Variants in XPR1 observed in about 807,000 individuals in gnomAD.
XPR1 encodes xenotropic and polytropic retrovirus receptor 1, also known as solute carrier family 53 member 1.
XPR1 carries 28 observed loss-of-function variants against 87.5 expected under a neutral mutation model. The observed-to-expected ratio is 0.32, with a 90% CI of 0.24 to 0.44. XPR1 has a LOEUF of 0.44. Ranked by LOEUF, XPR1 falls within the 20% of genes least tolerant of loss-of-function variation. The pLI, the probability that XPR1 is intolerant of heterozygous loss-of-function variation, is 1.00. For synonymous variants in XPR1, 300 were observed against 306.1 expected (o/e 0.98, Z 0.21); for missense variants, 559 against 862.3 (o/e 0.65, Z 4.41).
chr1:180,781,166 GT>G (rs918888336), intron 2 of XPR1, among the ~76,000 whole-genome samples: 218 of 145,266 alleles, frequency 1.5e-3, no homozygotes, highest in African/African-American at 5.2e-3. Context: ...TTGGAGTGTT[GT>G]TTTTTTTTTA....
At chr1:180,652,517 A>T (rs1265592848) in intron 1 of XPR1, among the ~76,000 whole-genome samples, 1 of 152,220 alleles carries the variant, frequency 6.6e-6, no homozygotes, top group Non-Finnish European at 1.5e-5. Context: ...GAGTGTGTCC[A>T]TGTGACTTTC....
intron 2 of XPR1, among the ~76,000 whole-genome samples, chr1:180,724,094 A>G (rs367778737): frequency 1.3e-5 from 2 of 152,184 alleles, no homozygotes; most frequent in African/African-American, 2.4e-5. Context: ...TGAGTAAGCT[A>G]TGGTCCTATA....
intron 3 of XPR1, among the ~76,000 whole-genome samples, chr1:180,791,373 G>A (rs1383169206): frequency 6.6e-6 from 1 of 152,196 alleles, no homozygotes; most frequent in African/African-American, 2.4e-5. Flanking sequence ...CCAGGTTCAA[G>A]TGATCCTCCT....
At chr1:180,637,013 C>T (rs547625151) in intron 1 of XPR1, among the ~76,000 whole-genome samples, 34 of 130,210 alleles carry the variant, frequency 2.6e-4, no homozygotes, top group Non-Finnish European at 4.6e-4. Context: ...GATTGTGCCA[C>T]TGCACTCCAG....
intron 2 of XPR1, among the ~76,000 whole-genome samples, chr1:180,692,522 T>TA (rs1238024659): frequency 3.9e-5 from 6 of 152,220 alleles, no homozygotes; most frequent in African/African-American, 1.4e-4. Context: ...TGTGCCTTAT[T>TA]ATTTGTTTCA....
intron 12 of XPR1, among the ~76,000 whole-genome samples, chr1:180,866,141 G>A (rs1652381981): frequency 6.6e-6 from 1 of 152,056 alleles, no homozygotes; most frequent in Non-Finnish European, 1.5e-5. Flanking sequence ...GAGCCCTGGA[G>A]TTCAAGACTG....
chr1:180,716,875 T>C lies in XPR1; in HGVS notation c.121+34464T>C, dbSNP rs144289288. On this transcript the variant is annotated intron_variant, in intron 2 of 14. Coordinates refer to ENST00000367590, the MANE Select transcript of XPR1 (RefSeq NM_004736.4). ...TGGTAGTTGGCCTCCAGGTCCTCCT[T>C]CTTGCCTGGAAGTGAACCCTCCTTA... 7.9e-5 allele frequency among the ~76,000 whole-genome samples: 12 copies of C among 152,358 alleles called. No individual in the cohort carries two copies. In the East Asian group the frequency reaches 1.2e-3, roughly 15 times the overall value.
At chr1:180,846,630 T>A (rs1188128960) in intron 11 of XPR1, among the ~76,000 whole-genome samples, 2 of 151,852 alleles carry the variant, frequency 1.3e-5, no homozygotes, top group African/African-American at 4.8e-5. Flanking sequence ...TTAGTAGAGA[T>A]GGGGTTTGAC....
At chr1:180,635,113 G>A (rs1372564226) in intron 1 of XPR1, among the ~76,000 whole-genome samples, 2 of 151,910 alleles carry the variant, frequency 1.3e-5, no homozygotes, top group Non-Finnish European at 2.9e-5. Flanking sequence ...ATAAGTTGTG[G>A]TGTTCATAGA....
intron 2 of XPR1, among the ~76,000 whole-genome samples, chr1:180,754,940 G>C (rs940311699): frequency 2.6e-5 from 4 of 152,098 alleles, no homozygotes; most frequent in Non-Finnish European, 4.4e-5. Context: ...CTGCATGGGT[G>C]GGGGTGGGTC....
intron 1 of XPR1, among the ~76,000 whole-genome samples, chr1:180,640,779 A>G (rs1017260328): frequency 1.3e-5 from 2 of 152,220 alleles, no homozygotes; most frequent in African/African-American, 2.4e-5. Context: ...AGAAAAAGGT[A>G]AGGAGATAAG....
chr1:180,638,135 ATT>A (rs1281263589), intron 1 of XPR1, among the ~76,000 whole-genome samples: 1 of 152,090 alleles, frequency 6.6e-6, no homozygotes, highest in Non-Finnish European at 1.5e-5. Context: ...CTCTCAAAGC[ATT>A]GTTATTGATA....
chr1:180,759,069 G>A (rs930513072), intron 2 of XPR1, among the ~76,000 whole-genome samples: 3 of 152,132 alleles, frequency 2.0e-5, no homozygotes, highest in Non-Finnish European at 4.4e-5. Flanking sequence ...TGAAACCAAT[G>A]AGAACAAAGA....
chr1:180,794,417 T>A (rs972863712), intron 3 of XPR1, among the ~76,000 whole-genome samples: 5 of 152,332 alleles, frequency 3.3e-5, no homozygotes, highest in African/African-American at 7.2e-5. Context: ...AGGCATTTTT[T>A]AAAAAATATA....
intron 2 of XPR1, among the ~76,000 whole-genome samples, chr1:180,726,440 C>T (rs1433691266): frequency 1.3e-5 from 2 of 152,170 alleles, no homozygotes; most frequent in Non-Finnish European, 2.9e-5. Flanking sequence ...CGAAGGTCTG[C>T]GGCTTCATTC....
At chr1:180,830,087 T>C (rs1362422338) in intron 9 of XPR1, among the ~76,000 whole-genome samples, 1 of 152,196 alleles carries the variant, frequency 6.6e-6, no homozygotes, top group Non-Finnish European at 1.5e-5. Context: ...TTTGGTGTTA[T>C]ATCCTAAATT....
At chr1:180,708,899 T>G (rs916335362) in intron 2 of XPR1, among the ~76,000 whole-genome samples, 3 of 52,640 alleles carry the variant, frequency 5.7e-5, no homozygotes, top group East Asian at 5.8e-4. Flanking sequence ...GTAAAGTTTT[T>G]TTTTTTTTTT....
intron 2 of XPR1, among the ~76,000 whole-genome samples, chr1:180,720,202 A>G (rs559824417): frequency 6.6e-6 from 1 of 152,342 alleles, no homozygotes; most frequent in Admixed American, 6.5e-5. Flanking sequence ...GTTATCTTTC[A>G]GTAATTATTA....
chr1:180,769,360 CTGTTTTTTTG>C (rs2102063711), intron 2 of XPR1, among the ~76,000 whole-genome samples: 1 of 150,126 alleles, frequency 6.7e-6, no homozygotes, highest in South Asian at 2.1e-4. Flanking sequence ...TTCATTATTT[CTGTTTTTTTG>C]TGTTTTTTTT....
Sources: allele counts gnomAD v4.1 joint callset (sites outside exome capture counted in the v4.1 genomes callset), GRCh38; gene constraint gnomAD v4.1.1; transcripts MANE v1.5; gene names NCBI Gene and HGNC (gene_info 2026-07-23, HGNC 2026-07-21).